TRIP10: variants seen among roughly 807,000 people sequenced by gnomAD.
The protein encoded by TRIP10 is cdc42-interacting protein 4.
Under a neutral mutation model 80.9 loss-of-function variants are expected in TRIP10, and 54 were observed. That is an observed-to-expected ratio of 0.67 (90% confidence interval 0.54 to 0.84). The LOEUF (loss-of-function observed/expected upper bound fraction) is 0.84, where lower values mean the gene tolerates loss of function less well. Among genes scored for constraint, TRIP10 ranks in the 40% least tolerant of loss-of-function variants. TRIP10 has a pLI of 0.00. For missense variants in TRIP10, 773 were observed against 815.3 expected, an observed-to-expected ratio of 0.95 and a Z score of 0.63; for synonymous variants, 321 against 307.2, an observed-to-expected ratio of 1.04 and a Z score of -0.47.
In TRIP10 at chr19:6,743,177, C is replaced by T. The variant is rs1968975152; in HGVS notation, c.346-17C>T. 1 of 1,614,188 alleles carries T rather than the reference C, an allele frequency of 6.2e-7. No individual in the cohort carries two copies. Among genetic ancestry groups the T allele is most frequent in the African/African-American group, 1.3e-5 (1 of 75,064 alleles). On this transcript the variant is annotated splice_polypyrimidine_tract_variant and intron_variant, in intron 4 of 14. Coordinates refer to ENST00000313244, the MANE Select transcript of TRIP10 (RefSeq NM_001288962.2). ...CTGCTGGAACCCTGGCGAGCCTTAT[C>T]ACTCTTCTTTCTGTAGCACTTCCAA...
Position 6,745,259 on chromosome 19 carries a change from T to G in TRIP10, c.984+265T>G. 1 of 523,072 alleles carries G rather than the reference T, an allele frequency of 1.9e-6. No individual in the cohort carries two copies. The allele number at this position is 523,072 out of a possible 1,614,324, so 32.4% of individuals were successfully genotyped here. ...GGGATGCTGGGAGAAAACCTGCTGGTGGAATTCAGGGCTGGCCTGAGGGCT... is the reference window on the plus strand; with the variant it reads ...GGGATGCTGGGAGAAAACCTGCTGGGGGAATTCAGGGCTGGCCTGAGGGCT... On this transcript the variant is annotated intron_variant, in intron 9 of 14. Coordinates refer to ENST00000313244, the MANE Select transcript of TRIP10 (RefSeq NM_001288962.2). The surrounding 1 kb of genome is among the most constrained non-coding windows in gnomAD (Gnocchi z 7.2).
At position 6,747,793 on chromosome 19, in the gene TRIP10, AAATAAT is replaced by A. The variant is rs10572023; in HGVS notation, c.1262+1252_1262+1257del. On this transcript the variant is annotated intron_variant, in intron 11 of 14. Transcript: ENST00000313244. ...GGGTAACACAGCGAGTCTCTACCTC[AAATAAT>A]AATAATAATAATAATAATACATTAG... Among the ~76,000 whole-genome samples, 166 of 149,226 alleles carry A rather than the reference AAATAAT, an allele frequency of 1.1e-3. 5 individuals are homozygous for A. In the East Asian group the frequency reaches 0.029, roughly 26 times the overall value.
At position 6,747,685 on chromosome 19, in the gene TRIP10, C is replaced by T. The variant is rs140802559; in HGVS notation, c.1262+1124C>T. Among the ~76,000 whole-genome samples, 14 of 151,466 alleles carry T rather than the reference C, an allele frequency of 9.2e-5. No homozygotes were observed. The East Asian group carries it at 1.2e-3, about 13-fold the overall frequency. ...GCACGCGCCTGTAATTCCAGCTACT[C>T]GGGAGGCTGAGGTGGGAGAATCGCT... On this transcript the variant is annotated intron_variant, in intron 11 of 14. Coordinates refer to ENST00000313244, the MANE Select transcript of TRIP10 (RefSeq NM_001288962.2).
At position 6,746,614 on chromosome 19, in the gene TRIP10, T is replaced by C; in HGVS notation, c.1262+53T>C. The C allele has an allele frequency of 2.4e-6, 3 of 1,266,954 alleles. No homozygotes were observed. The highest frequency in any genetic ancestry group is 3.4e-6 in the Non-Finnish European group (3 of 886,866). 78.5% of individuals were successfully genotyped at this position (1,266,954 alleles called of 1,614,324 possible). ...GCAAGGAACATGATAAAATAGTAAA[T>C]GAACTTCACTTATTTGTTTATTATT... On this transcript the variant is annotated intron_variant, in intron 11 of 14. Coordinates refer to ENST00000313244, the MANE Select transcript of TRIP10 (RefSeq NM_001288962.2). This position sits in a 1 kb window ranked among gnomAD's most constrained non-coding sequence, Gnocchi z 6.2.
At chr19:6,750,921 G>C (rs1004506079) in intron 14 of TRIP10, 142 bp from the exon 15 acceptor site, 2 of 1,294,774 alleles carry the variant, frequency 1.5e-6, no homozygotes, top group African/African-American at 1.5e-5. Flanking sequence ...CCTTGAACCT[G>C]GAGGCAGAGG....
Position 6,746,071 on chromosome 19 carries a change from T to A in TRIP10, c.1027T>A (p.Ser343Thr). ...PLSPLGGPVPSALPNGPPSPR... is the reference protein window; with the variant it reads ...PLSPLGGPVPTALPNGPPSPR... Reference sequence around the variant, plus strand: ...CTCCCCCCTGGGGGGCCCCGTACCCTCGGCATTGCCTAACGGACCCCCGTC... The same window carrying A: ...CTCCCCCCTGGGGGGCCCCGTACCCACGGCATTGCCTAACGGACCCCCGTC... Residue 343 changes from serine (S) to threonine (T), a missense_variant, in exon 10 of 15, where the codon TCG (serine) becomes ACG (threonine). Transcript: ENST00000313244. The surrounding 1 kb of genome is among the most constrained non-coding windows in gnomAD (Gnocchi z 6.2). 9.6e-7 allele frequency: 1 copy of A among 1,037,446 alleles called. No homozygotes were observed. The highest frequency in any genetic ancestry group is 1.2e-6 in the Non-Finnish European group (1 of 832,346). 64.3% of individuals were successfully genotyped at this position (1,037,446 alleles called of 1,614,324 possible).
rs938480427 is a variant in TRIP10 at position 6,745,559 on chromosome 19, T to TA, written c.985-469dup. 2 of 985,166 alleles carry TA rather than the reference T, an allele frequency of 2.0e-6. No individual in the cohort carries two copies. Among genetic ancestry groups the TA allele is most frequent in the Non-Finnish European group, 2.4e-6 (2 of 829,906 alleles). 61.0% of individuals were successfully genotyped at this position (985,166 alleles called of 1,614,324 possible). A position where few individuals can be genotyped will look rare whatever the true frequency, so the allele number is the denominator to read the frequency against. On this transcript the variant is annotated intron_variant, in intron 9 of 14. Coordinates refer to ENST00000313244, the MANE Select transcript of TRIP10 (RefSeq NM_001288962.2). The surrounding 1 kb of genome is among the most constrained non-coding windows in gnomAD (Gnocchi z 7.2). ...TCCACTCCCTCTCGGCTTGTGGTTT[T>TA]ATTTTTGTTTATTTATTTTTGTCCT...
intron 3 of TRIP10, among the ~76,000 whole-genome samples, 193 bp from the exon 4 acceptor site, chr19:6,742,774 T>C (rs1050332443): frequency 6.5e-4 from 65 of 100,580 alleles, no homozygotes; most frequent in African/African-American, 2.5e-3. Flanking sequence ...AGCAAGACCC[T>C]GTCTCAAAAA....
rs544643250 is a variant in TRIP10 at position 6,745,488 on chromosome 19, C to G, written c.984+494C>G. 1.2e-6 allele frequency: 1 copy of G among 839,666 alleles called. No homozygotes were observed. Among genetic ancestry groups the G allele is most frequent in the African/African-American group, 1.8e-5 (1 of 54,208 alleles). 52.0% of individuals were successfully genotyped at this position (839,666 alleles called of 1,614,324 possible). ...TCCTTGACTTAACACCTGTGATCCC[C>G]GAGCTTAAACTTCTGATGCCCCTAA... is the stretch of plus-strand genomic sequence containing the variant. On this transcript the variant is annotated intron_variant, in intron 9 of 14. Transcript: ENST00000313244. The surrounding 1 kb of genome is among the most constrained non-coding windows in gnomAD (Gnocchi z 7.2).
chr19:6,741,341 A>C, intron 3 of TRIP10, 60 bp downstream of exon 3: 2 of 1,551,834 alleles, frequency 1.3e-6, no homozygotes, highest in Non-Finnish European at 1.7e-6. Flanking sequence ...CTTGGGTCTC[A>C]CTTCCCCTCC....
At chr19:6,750,484 CTT>C in intron 13 of TRIP10, 26 bp from the exon 14 acceptor site, 1 of 1,613,894 alleles carries the variant, frequency 6.2e-7, no homozygotes, top group Non-Finnish European at 8.5e-7. Flanking sequence ...GAGGGCCTGT[CTT>C]TATCTGCCGA....
Position 6,751,048 on chromosome 19 carries a change from C to T in TRIP10, c.1658-15C>T, listed in dbSNP as rs970238667. The T allele has an allele frequency of 9.8e-6, 15 of 1,523,504 alleles. No homozygotes were observed. Among genetic ancestry groups the T allele is most frequent in the Non-Finnish European group, 1.3e-5 (15 of 1,134,822 alleles). 94.4% of individuals were successfully genotyped at this position (1,523,504 alleles called of 1,614,324 possible). On this transcript the variant is annotated splice_polypyrimidine_tract_variant and intron_variant, in intron 14 of 14. Coordinates refer to ENST00000313244, the MANE Select transcript of TRIP10 (RefSeq NM_001288962.2). ...GCCTAAAGCAGATCTGGGCCCACCC[C>T]CACCCCCATCACAGGGTCCAGCGAG... is the stretch of plus-strand genomic sequence containing the variant.
chr19:6,747,914 C>T (rs2145550020), intron 11 of TRIP10, among the ~76,000 whole-genome samples: 1 of 151,828 alleles, frequency 6.6e-6, no homozygotes, highest in Admixed American at 6.6e-5. Context: ...TCAAGGCCAG[C>T]CTGGGCAACG....
rs1448964465 is a variant in TRIP10 at position 6,745,813 on chromosome 19, G to A, written c.985-216G>A. ...GCCACCTTCCAGATTTTTTTGTGTC[G>A]CTCCTGCATGCGTTTTCTCTGTGTG... On this transcript the variant is annotated intron_variant, in intron 9 of 14. Coordinates refer to ENST00000313244, the MANE Select transcript of TRIP10 (RefSeq NM_001288962.2). This position sits in a 1 kb window ranked among gnomAD's most constrained non-coding sequence, Gnocchi z 7.2. 13 of 984,910 alleles carry A rather than the reference G, an allele frequency of 1.3e-5. No individual in the cohort carries two copies. Among genetic ancestry groups the A allele is most frequent in the African/African-American group, 1.8e-5 (1 of 57,102 alleles). The allele number at this position is 984,910 out of a possible 1,614,324, so 61.0% of individuals were successfully genotyped here.
Position 6,744,968 on chromosome 19 carries a change from C to A in TRIP10, c.958C>A (p.Arg320Ser), listed in dbSNP as rs767941294. The change falls in exon 9 of 15, where the codon CGC becomes AGC. Residue 320 changes from arginine to serine, a missense_variant. Arg to Ser is a moderately radical substitution (Grantham distance 110). Coordinates refer to ENST00000313244, the MANE Select transcript of TRIP10 (RefSeq NM_001288962.2). This position sits in a 1 kb window ranked among gnomAD's most constrained non-coding sequence, Gnocchi z 4.9. ...LRGPGRSRTK[R>S]WPFGKKNKPR... ...AGGCCCGGGTCGCAGCCGCACCAAG[C>A]GCTGGCCTTTTGGCAAGAAGAACAA... 6.2e-7 allele frequency: 1 copy of A among 1,613,690 alleles called. No homozygotes were observed. Among genetic ancestry groups the A allele is most frequent in the Non-Finnish European group, 8.5e-7 (1 of 1,179,844 alleles).
Position 6,744,760 on chromosome 19 carries a change from C to G in TRIP10, c.790-40C>G. ...AAGGGCAGAGGGAGGTACCCATAGG[C>G]TAGGCACTCGACTGCTCATCCACTG... On this transcript the variant is annotated intron_variant, in intron 8 of 14. Coordinates refer to ENST00000313244, the MANE Select transcript of TRIP10 (RefSeq NM_001288962.2). This position sits in a 1 kb window ranked among gnomAD's most constrained non-coding sequence, Gnocchi z 4.9. 1 of 1,597,474 alleles carries G rather than the reference C, an allele frequency of 6.3e-7. No homozygotes were observed. Among genetic ancestry groups the G allele is most frequent in the Non-Finnish European group, 8.5e-7 (1 of 1,170,750 alleles).
Position 6,745,225 on chromosome 19 carries a change from C to G in TRIP10, c.984+231C>G. 1 of 582,498 alleles carries G rather than the reference C, an allele frequency of 1.7e-6. No homozygotes were observed. The allele number at this position is 582,498 out of a possible 1,614,324, so 36.1% of individuals were successfully genotyped here. A position where few individuals can be genotyped will look rare whatever the true frequency, so the allele number is the denominator to read the frequency against. On this transcript the variant is annotated intron_variant, in intron 9 of 14. Coordinates refer to ENST00000313244, the MANE Select transcript of TRIP10 (RefSeq NM_001288962.2). The surrounding 1 kb of genome is among the most constrained non-coding windows in gnomAD (Gnocchi z 7.2). ...TGGGGAGGTCCGTGGCGTTTGTCTG[C>G]TGCTTCTCGGGATGCTGGGAGAAAA... is the stretch of plus-strand genomic sequence containing the variant.
At position 6,750,012 on chromosome 19, in the gene TRIP10, C is replaced by T. The variant is rs572675375; in HGVS notation, c.1341C>T (p.Ile447=). 1.5e-5 allele frequency: 24 copies of T among 1,613,748 alleles called. No homozygotes were observed. The highest frequency in any genetic ancestry group is 1.3e-4 in the East Asian group (6 of 44,840). ...ACCCCGCCAGCTTGGAGCCCCAGAT[C>T]GCTGAAACCCTGAGCAACATTGAAC... ...MGDPASLEPQ[I]AETLSNIERL... Residue 447 remains isoleucine (I), a synonymous_variant, in exon 12 of 15, where the codon ATC becomes ATT. Coordinates refer to ENST00000313244, the MANE Select transcript of TRIP10 (RefSeq NM_001288962.2).
At position 6,741,294 on chromosome 19, in the gene TRIP10, A is replaced by G. The variant is rs1433953961; in HGVS notation, c.197+13A>G. The G allele has an allele frequency of 2.5e-6, 4 of 1,601,570 alleles. No homozygotes were observed. The South Asian group carries it at 4.5e-5, about 18-fold the overall frequency. ...ATCCTGAGTCCAAGTAAGGTTGGAGAGGGGCTGCAGGGCTAGATTTGTGGG... is the reference window on the plus strand; with the variant it reads ...ATCCTGAGTCCAAGTAAGGTTGGAGGGGGGCTGCAGGGCTAGATTTGTGGG... On this transcript the variant is annotated intron_variant, in intron 3 of 14. Transcript: ENST00000313244.
Sources: gnomAD v4.1 joint callset for allele counts (sites outside exome capture counted in the v4.1 genomes callset) on GRCh38, gnomAD v4.1.1 for gene constraint, Gnocchi (gnomAD v3.1) non-coding constraint, MANE v1.5 for transcripts, NCBI Gene and HGNC (gene_info 2026-07-23, HGNC 2026-07-21) for gene names.